Variants in FAR2 observed in about 807,000 individuals in gnomAD.
The protein encoded by FAR2 is fatty acyl-CoA reductase 2, also known as epididymis secretory protein Li 81.
Under a neutral mutation model 56.0 loss-of-function variants are expected in FAR2, and 19 were observed. That is an observed-to-expected ratio of 0.34 (90% CI 0.24 to 0.50). FAR2 has a LOEUF of 0.50. Ranked by LOEUF, FAR2 falls within the 20% of genes least tolerant of loss-of-function variation. The pLI, the probability that FAR2 is intolerant of heterozygous loss-of-function variation, is 0.98. For missense variants in FAR2, 508 were observed against 642.2 expected (o/e 0.79, Z 2.26); for synonymous variants, 219 against 218.8 (o/e 1.00, Z -0.01).
At chr12:29,290,070 A>C (rs1948941113) in intron 2 of FAR2, among the ~76,000 whole-genome samples, 1 of 152,202 alleles carries the variant, frequency 6.6e-6, no homozygotes, top group Admixed American at 6.5e-5. Flanking sequence ...GAGCAAAAGG[A>C]ACCCTCATAT....
chr12:29,160,499 A>G (rs966834962), intron 1 of FAR2, among the ~76,000 whole-genome samples: 1 of 152,206 alleles, frequency 6.6e-6, no homozygotes, highest in Non-Finnish European at 1.5e-5. Context: ...CAAGTTACTT[A>G]ACTTCCTGCT....
At chr12:29,210,175 C>T (rs1412201394) in intron 1 of FAR2, among the ~76,000 whole-genome samples, 1 of 152,100 alleles carries the variant, frequency 6.6e-6, no homozygotes, top group East Asian at 1.9e-4. Context: ...CACTGCACTC[C>T]AGCCTGGGTG....
chr12:29,278,515 AT>A (rs76118860), intron 2 of FAR2, among the ~76,000 whole-genome samples: 6,563 of 145,084 alleles, frequency 0.045, 139 homozygotes, highest in South Asian at 0.078. Context: ...ATTGTTTTTA[AT>A]TTTTTTTTTT....
intron 1 of FAR2, among the ~76,000 whole-genome samples, chr12:29,257,225 C>G (rs1358672199): frequency 6.6e-6 from 1 of 152,124 alleles, no homozygotes; most frequent in African/African-American, 2.4e-5. Flanking sequence ...CTGTGTCTAG[C>G]TCAGGGTTTG....
chr12:29,208,772 A>C (rs1391665932), intron 1 of FAR2, among the ~76,000 whole-genome samples: 1 of 152,236 alleles, frequency 6.6e-6, no homozygotes, highest in African/African-American at 2.4e-5. Flanking sequence ...TGCAGGACAC[A>C]TTCTGAAAAG....
rs1949774821 is a variant in FAR2, at chr12:29,334,802, A to G, written c.*1008A>G. Reference sequence around the variant, plus strand: ...ATTTACTAGTATCTTGGTCATTCCAATTGCACAATGTTAACTGTACAACAC... The same window carrying G: ...ATTTACTAGTATCTTGGTCATTCCAGTTGCACAATGTTAACTGTACAACAC... On this transcript the variant is annotated 3_prime_UTR_variant, in exon 12 of 12. Transcript: ENST00000536681. The G allele has an allele frequency of 6.6e-6, 1 of 152,230 alleles. No individual in the cohort carries two copies. The highest frequency in any genetic ancestry group is 1.5e-5 in the Non-Finnish European group (1 of 68,036). 9.4% of individuals were successfully genotyped at this position (152,230 alleles called of 1,614,324 possible).
chr12:29,222,615 AT>A (rs1311636643), intron 1 of FAR2, among the ~76,000 whole-genome samples: 2 of 151,978 alleles, frequency 1.3e-5, no homozygotes, highest in Non-Finnish European at 2.9e-5. Context: ...ACACCTTGAT[AT>A]CACTCTAGAT....
intron 11 of FAR2, chr12:29,333,086 G>T: frequency 2.9e-6 from 1 of 348,896 alleles, no homozygotes; most frequent in Non-Finnish European, 5.6e-6. Context: ...CAGGAGACCT[G>T]ATTATGCTAT....
chr12:29,220,692 G>A (rs181397216), intron 1 of FAR2, among the ~76,000 whole-genome samples: 26 of 152,214 alleles, frequency 1.7e-4, no homozygotes, highest in Admixed American at 4.6e-4. Flanking sequence ...TTACCAGTGG[G>A]ATATCCATAC....
At chr12:29,306,747 G>A (rs1949259137) in intron 4 of FAR2, among the ~76,000 whole-genome samples, 1 of 152,200 alleles carries the variant, frequency 6.6e-6, no homozygotes, top group African/African-American at 2.4e-5. Flanking sequence ...TTTTAAGAAA[G>A]ATTAGGCTGA....
intron 1 of FAR2, among the ~76,000 whole-genome samples, chr12:29,244,002 TTGAATGAATGAA>T (rs5797312): frequency 6.6e-6 from 1 of 150,906 alleles, no homozygotes; most frequent in African/African-American, 2.4e-5. Context: ...TAATCAGCAG[TTGAATGAATGAA>T]TGAATGAATG....
At chr12:29,190,847 T>G (rs571458448) in intron 1 of FAR2, among the ~76,000 whole-genome samples, 28 of 152,316 alleles carry the variant, frequency 1.8e-4, no homozygotes, top group African/African-American at 6.3e-4. Context: ...TCAGAAGAAT[T>G]TCAATTTTTA....
intron 1 of FAR2, among the ~76,000 whole-genome samples, chr12:29,186,715 A>G (rs1460892030): frequency 6.6e-6 from 1 of 151,900 alleles, no homozygotes; most frequent in Non-Finnish European, 1.5e-5. Context: ...ACAAGTTTCT[A>G]GCCCTTCTTG....
intron 1 of FAR2, among the ~76,000 whole-genome samples, chr12:29,175,851 G>A (rs35909357): frequency 2.4e-3 from 361 of 152,288 alleles, no homozygotes; most frequent in Non-Finnish European, 3.4e-3. Flanking sequence ...TGATTGGTGC[G>A]TTTACAATCT....
chr12:29,198,968 TA>T (rs1445443239), intron 1 of FAR2, among the ~76,000 whole-genome samples: 1 of 152,178 alleles, frequency 6.6e-6, no homozygotes, highest in African/African-American at 2.4e-5. Context: ...GATACAAAGA[TA>T]AAAATCATAT....
chr12:29,203,363 C>T (rs938674209), intron 1 of FAR2, among the ~76,000 whole-genome samples: 1 of 152,204 alleles, frequency 6.6e-6, no homozygotes, highest in Admixed American at 6.5e-5. Flanking sequence ...TGCTGCACAC[C>T]TACCCTCCTT....
At chr12:29,195,807 C>T (rs1300647224) in intron 1 of FAR2, among the ~76,000 whole-genome samples, 1 of 152,084 alleles carries the variant, frequency 6.6e-6, no homozygotes, top group Non-Finnish European at 1.5e-5. Flanking sequence ...GTAACTATCA[C>T]TCAAATAATG....
At chr12:29,287,245 T>C (rs901243050) in intron 2 of FAR2, among the ~76,000 whole-genome samples, 2 of 152,228 alleles carry the variant, frequency 1.3e-5, no homozygotes, top group Non-Finnish European at 2.9e-5. Flanking sequence ...AACCCTGCTA[T>C]ATGCCGAAAG....
At chr12:29,302,528 C>T (rs1055175739) in intron 4 of FAR2, among the ~76,000 whole-genome samples, 7 of 152,012 alleles carry the variant, frequency 4.6e-5, no homozygotes, top group Non-Finnish European at 7.4e-5. Flanking sequence ...GCATGTGTTA[C>T]GTGTAGGGAA....
Sources: gnomAD v4.1 joint callset for allele counts (sites outside exome capture counted in the v4.1 genomes callset) on GRCh38, gnomAD v4.1.1 for gene constraint, MANE v1.5 for transcripts, NCBI Gene and HGNC (gene_info 2026-07-23, HGNC 2026-07-21) for gene names.